Variants in NOL9 observed in about 807,000 individuals in gnomAD.
NOL9 encodes the protein polynucleotide 5'-hydroxyl-kinase NOL9.
In NOL9, 28 loss-of-function variants were observed where a neutral mutation model predicts 67.9. The observed-to-expected ratio is 0.41, with a 90% CI of 0.31 to 0.57. NOL9 has a LOEUF of 0.57. NOL9 is among the 20% of genes least tolerant of loss of function. The pLI, the probability that NOL9 is intolerant of heterozygous loss-of-function variation, is 0.25. For synonymous variants in NOL9, 356 were observed against 352.2 expected (o/e 1.01, Z -0.12); for missense variants, 777 against 897.0 (o/e 0.87, Z 1.71).
chr1:6,525,807 A>C lies in NOL9; in HGVS notation c.*47T>G. ...TGTCTCTTGTGGTCAGGCTTGAGAC[A>C]AAGCTTTCTGGTAGGAAAGTTTCTT... On this transcript the variant is annotated 3_prime_UTR_variant, in exon 12 of 12. Coordinates refer to ENST00000377705, the MANE Select transcript of NOL9 (RefSeq NM_024654.5). 1 of 1,608,984 alleles carries C rather than the reference A, an allele frequency of 6.2e-7. No individual in the cohort carries two copies. Among genetic ancestry groups the C allele is most frequent in the Non-Finnish European group, 8.5e-7 (1 of 1,176,098 alleles).
chr1:6,548,434 A>G (rs1327682890), intron 3 of NOL9: 5 of 224,016 alleles, frequency 2.2e-5, no homozygotes, highest in Non-Finnish European at 3.7e-5. Context: ...GGCGTGAGCC[A>G]CCACGCCCCG....
chr1:6,554,429 G>C lies in NOL9; in HGVS notation c.74C>G (p.Pro25Arg). The C allele has an allele frequency of 6.5e-7, 1 of 1,548,386 alleles. No homozygotes were observed. The highest frequency in any genetic ancestry group is 8.6e-7 in the Non-Finnish European group (1 of 1,159,276). The change falls in exon 1 of 12, where the codon CCC (proline) becomes CGC (arginine). Residue 25 changes from proline (P) to arginine (R), a missense_variant. Transcript: ENST00000377705. Reference protein sequence around the residue: ...STWLRVRKARPQLILSRRPRR... With the variant: ...STWLRVRKARRQLILSRRPRR... Reference sequence around the variant, plus strand: ...GGGCCGGCGGCTGAGGATGAGCTGGGGCCGGGCCTTGCGGACCCGCAGCCA... The same window carrying C: ...GGGCCGGCGGCTGAGGATGAGCTGGCGCCGGGCCTTGCGGACCCGCAGCCA...
At chr1:6,535,689 G>A (rs1232598847) in intron 6 of NOL9, among the ~76,000 whole-genome samples, 1 of 152,188 alleles carries the variant, frequency 6.6e-6, no homozygotes, top group African/African-American at 2.4e-5. Flanking sequence ...CACTTTGGGA[G>A]GCCAAGGCAG....
intron 2 of NOL9, among the ~76,000 whole-genome samples, 197 bp downstream of exon 2, chr1:6,550,199 T>G (rs531753772): frequency 1.3e-5 from 2 of 152,014 alleles, no homozygotes; most frequent in African/African-American, 2.4e-5. Context: ...GCTTGGCTAA[T>G]TTTTTGCATT....
In NOL9 at chr1:6,528,999, C is replaced by T; in HGVS notation, c.1820G>A (p.Gly607Asp). The change falls in exon 10 of 12, where the codon GGC (glycine) becomes GAC (aspartate). Residue 607 changes from glycine to aspartate, a missense_variant. By Grantham distance (94) the Gly-to-Asp change is moderately conservative. Coordinates refer to ENST00000377705, the MANE Select transcript of NOL9 (RefSeq NM_024654.5). ...TGTTTTACTCTCAGACTCACCAAAG[C>T]CCAAGCAGTCACAGATTGGAGTCTG... ...LAQTPICDCLGFGICRGIDME... is the reference protein window; with the variant it reads ...LAQTPICDCLDFGICRGIDME... 1 of 1,613,946 alleles carries T rather than the reference C, an allele frequency of 6.2e-7. No individual in the cohort carries two copies. The highest frequency in any genetic ancestry group is 1.1e-5 in the South Asian group (1 of 91,076).
In NOL9 at chr1:6,522,596, T is replaced by C. The variant is rs1258207865; in HGVS notation, c.*3258A>G. 6.7e-6 allele frequency: 1 copy of C among 149,692 alleles called. No homozygotes were observed. Among genetic ancestry groups the C allele is most frequent in the Non-Finnish European group, 1.5e-5 (1 of 67,480 alleles). The allele number at this position is 149,692 out of a possible 1,614,324, so 9.3% of individuals were successfully genotyped here. ...AAAAACTAAGAGCTTTTGTAAAGAA[T>C]AGCTTCAGGCCAGGCGCAGTGGCTC... On this transcript the variant is annotated 3_prime_UTR_variant, in exon 12 of 12. Coordinates refer to ENST00000377705, the MANE Select transcript of NOL9 (RefSeq NM_024654.5).
chr1:6,526,647 G>A lies in NOL9; in HGVS notation c.1959+49C>T, dbSNP rs151239460. The A allele has an allele frequency of 1.8e-4, 283 of 1,550,704 alleles. No individual in the cohort carries two copies. The African/African-American group carries it at 3.6e-3, about 19-fold the overall frequency. On this transcript the variant is annotated intron_variant, in intron 11 of 11. Transcript: ENST00000377705. ...GACCCTACTTCAGCTCCTCACTTCT[G>A]TGGACCTGAGTAGGCTCCTTCCAGG... is the stretch of plus-strand genomic sequence containing the variant.
At chr1:6,533,149 TG>T in intron 7 of NOL9, 130 bp downstream of exon 7, 1 of 919,188 alleles carries the variant, frequency 1.1e-6, no homozygotes, top group Non-Finnish European at 1.6e-6. Flanking sequence ...CACTCCAGCC[TG>T]GGCGACAGAG....
chr1:6,550,370 G>A, intron 2 of NOL9, 26 bp downstream of exon 2: 1 of 1,595,742 alleles, frequency 6.3e-7, no homozygotes, highest in Non-Finnish European at 8.6e-7. Context: ...TAGGCCCTCA[G>A]TAAATTACCC....
intron 3 of NOL9, chr1:6,548,138 CTT>C (rs201835857): frequency 0.018 from 1,855 of 101,390 alleles, 26 homozygotes; most frequent in African/African-American, 0.057. Context: ...ACTTAAAGTT[CTT>C]TTTTTTTTTT....
At position 6,523,711 on chromosome 1, in the gene NOL9, CCT is replaced by C. The variant is rs1638819209; in HGVS notation, c.*2141_*2142del. ...CTAGACCTGACAGAGGCCTTGGCTC[CCT>C]GTCTCCGAACCTCCTTCCCTAAACC... On this transcript the variant is annotated 3_prime_UTR_variant, in exon 12 of 12. Transcript: ENST00000377705. The C allele has an allele frequency of 6.6e-6, 1 of 152,290 alleles. No individual in the cohort carries two copies. The highest frequency in any genetic ancestry group is 1.5e-5 in the Non-Finnish European group (1 of 68,150). The allele number at this position is 152,290 out of a possible 1,614,324, so 9.4% of individuals were successfully genotyped here.
intron 3 of NOL9, chr1:6,548,573 A>G (rs2148661688): frequency 2.7e-6 from 1 of 374,596 alleles, no homozygotes; most frequent in South Asian, 2.3e-5. Context: ...GGAGGAGAAC[A>G]TCATTGTAAA....
intron 8 of NOL9, 121 bp from the exon 9 acceptor site, chr1:6,532,200 T>C: frequency 1.2e-6 from 1 of 814,542 alleles, no homozygotes; most frequent in Non-Finnish European, 2.0e-6. Flanking sequence ...TGCCCCCCCT[T>C]GACGGACCCC....
At chr1:6,533,216 G>A in intron 7 of NOL9, 64 bp downstream of exon 7, 2 of 1,464,058 alleles carry the variant, frequency 1.4e-6, no homozygotes, top group East Asian at 2.4e-5. Context: ...TAACGTGAAT[G>A]TCTGAAACCA....
intron 5 of NOL9, among the ~76,000 whole-genome samples, chr1:6,543,567 A>G (rs997848914): frequency 2.0e-5 from 3 of 152,104 alleles, no homozygotes; most frequent in African/African-American, 7.2e-5. Flanking sequence ...ATGGTGTGAC[A>G]TAGCTCACTG....
In NOL9 at chr1:6,544,818, A is replaced by C; in HGVS notation, c.977+8T>G. On this transcript the variant is annotated splice_region_variant and intron_variant, in intron 5 of 11. Transcript: ENST00000377705. ...AATGTGTCAAAGCCATAAGAAAAGC[A>C]CTCTTACCTATTTAACAAATGGTTA... The C allele has an allele frequency of 3.1e-6, 5 of 1,613,574 alleles. No individual in the cohort carries two copies. The highest frequency in any genetic ancestry group is 4.2e-6 in the Non-Finnish European group (5 of 1,179,642).
chr1:6,550,188 C>T (rs1024326870), intron 2 of NOL9, among the ~76,000 whole-genome samples: 2 of 152,070 alleles, frequency 1.3e-5, no homozygotes, highest in African/African-American at 2.4e-5. Context: ...CCTGCCACCA[C>T]GCTTGGCTAA....
rs1638841238 is a variant in NOL9, at chr1:6,524,663, TTG to T, written c.*1189_*1190del. 1 of 152,198 alleles carries T rather than the reference TTG, an allele frequency of 6.6e-6. No individual in the cohort carries two copies. The highest frequency in any genetic ancestry group is 2.4e-5 in the African/African-American group (1 of 41,446). 9.4% of individuals were successfully genotyped at this position (152,198 alleles called of 1,614,324 possible). On this transcript the variant is annotated 3_prime_UTR_variant, in exon 12 of 12. Transcript: ENST00000377705. ...CCCAGTCTCCAGCTCTGCCCTGTGG[TTG>T]TCTCTGGCCTCAGATCAGAAGTCAA...
At chr1:6,531,027 C>CA (rs1478805726) in intron 9 of NOL9, among the ~76,000 whole-genome samples, 1 of 152,168 alleles carries the variant, frequency 6.6e-6, no homozygotes, top group Non-Finnish European at 1.5e-5. Flanking sequence ...GTTACACAGG[C>CA]TTAGAACAGA....
Sources: gnomAD v4.1 joint callset for allele counts (sites outside exome capture counted in the v4.1 genomes callset) on GRCh38, gnomAD v4.1.1 for gene constraint, MANE v1.5 for transcripts, NCBI Gene and HGNC (gene_info 2026-07-23, HGNC 2026-07-21) for gene names.